The following TTC28 variants were observed in gnomAD, a reference collection of about 807,000 sequenced individuals.
The protein encoded by TTC28 is tetratricopeptide repeat protein 28.
Under a neutral mutation model 198.0 loss-of-function variants are expected in TTC28, and 61 were observed. The ratio of observed to expected loss-of-function variants is 0.31; its 90% CI spans 0.25 to 0.38. The LOEUF (loss-of-function observed/expected upper bound fraction) is 0.38. TTC28 is among the 10% of genes least tolerant of loss of function. The pLI is 1.00. For missense variants in TTC28, 2,678 were observed against 3,164.0 expected (o/e 0.85, Z 3.69); for synonymous variants, 1,171 against 1,297.8 (o/e 0.90, Z 2.10).
At chr22:28,607,584 AT>A (rs1476254180) in intron 2 of TTC28, among the ~76,000 whole-genome samples, 1 of 152,164 alleles carries the variant, frequency 6.6e-6, no homozygotes, top group Non-Finnish European at 1.5e-5. Context: ...CTCATAACTG[AT>A]TTTTTTAATG....
chr22:28,107,125 G>A lies in TTC28; in HGVS notation c.2720C>T (p.Ala907Val), dbSNP rs777828084. ...GTCTTGCATGCGATTCAGACTCTGC[G>A]CGACAGATAAATATTGTTCATAGTA... ...IKYYEQYLSV[A>V]QSLNRMQDQA... The change falls in exon 7 of 23, where the codon GCG (alanine) becomes GTG (valine). Residue 907 changes from alanine to valine, a missense_variant. Around this residue, in one of 8 missense-constraint regions of TTC28, gnomAD observed 775 missense variants for 845.9 expected, o/e 0.92. Transcript: ENST00000397906. The A allele has an allele frequency of 9.5e-5, 147 of 1,551,534 alleles. No homozygotes were observed. Among genetic ancestry groups the A allele is most frequent in the South Asian group, 8.3e-5 (7 of 84,054 alleles).
intron 14 of TTC28, chr22:28,007,096 G>A (rs1312684851): frequency 6.6e-6 from 1 of 152,106 alleles, no homozygotes; most frequent in Non-Finnish European, 1.5e-5. Context: ...GGGATGAAAT[G>A]GACTTTACTG....
chr22:28,675,226 C>T (rs552763180), intron 1 of TTC28, among the ~76,000 whole-genome samples: 35 of 151,838 alleles, frequency 2.3e-4, no homozygotes, highest in African/African-American at 8.2e-4. Context: ...CCACACACAC[C>T]TCACACCACA....
rs986451357 is a variant in TTC28, at chr22:28,032,254, T to C, written c.3933-1888A>G. Among the ~76,000 whole-genome samples the C allele has an allele frequency of 3.0e-5, 3 of 100,876 alleles. 1 individual carries two copies. Among genetic ancestry groups the C allele is most frequent in the African/African-American group, 1.4e-4 (3 of 22,164 alleles). 66.2% of individuals were successfully genotyped at this position (100,876 alleles called of 152,430 possible). A position where few individuals can be genotyped will look rare whatever the true frequency, so the allele number is the denominator to read the frequency against. ...ATATAAAATATATATATATAAAATA[T>C]ATATATATATATAGTGTGTGTGTGT... On this transcript the variant is annotated intron_variant, in intron 12 of 22. Transcript: ENST00000397906.
intron 2 of TTC28, among the ~76,000 whole-genome samples, chr22:28,365,446 G>A (rs2046231830): frequency 6.6e-6 from 1 of 152,092 alleles, no homozygotes; most frequent in Non-Finnish European, 1.5e-5. Context: ...CAGGAAAAAA[G>A]CACATAAACC....
intron 2 of TTC28, among the ~76,000 whole-genome samples, chr22:28,464,799 G>T (rs1276607997): frequency 6.6e-6 from 1 of 152,030 alleles, no homozygotes; most frequent in Non-Finnish European, 1.5e-5. Context: ...CACTGTTAAT[G>T]CTCCCAGAAT....
intron 2 of TTC28, among the ~76,000 whole-genome samples, chr22:28,594,845 C>T (rs1569047727): frequency 6.6e-6 from 1 of 152,186 alleles, no homozygotes; most frequent in Non-Finnish European, 1.5e-5. Context: ...GTTAAATTGC[C>T]ACTAATCACT....
intron 1 of TTC28, among the ~76,000 whole-genome samples, chr22:28,631,599 C>T (rs2146210019): frequency 6.6e-6 from 1 of 152,190 alleles, no homozygotes; most frequent in Non-Finnish European, 1.5e-5. Context: ...TCAGAGCTCA[C>T]TGCAGCCTCA....
At chr22:28,146,014 C>T (rs1035329462) in intron 6 of TTC28, among the ~76,000 whole-genome samples, 1 of 152,106 alleles carries the variant, frequency 6.6e-6, no homozygotes, top group Non-Finnish European at 1.5e-5. Context: ...GATCTAAAGC[C>T]AGGCCATCTG....
At chr22:28,426,319 T>A (rs1213009508) in intron 2 of TTC28, among the ~76,000 whole-genome samples, 2 of 152,098 alleles carry the variant, frequency 1.3e-5, no homozygotes, top group Non-Finnish European at 2.9e-5. Context: ...CAACAAAACC[T>A]TCCTTTGGTT....
In TTC28 at chr22:28,663,191, T is replaced by A. The variant is rs570525525; in HGVS notation, c.102+16431A>T. 2.7e-5 allele frequency among the ~76,000 whole-genome samples: 4 copies of A among 146,478 alleles called. No individual in the cohort carries two copies. The South Asian group carries it at 8.6e-4, about 31-fold the overall frequency. On this transcript the variant is annotated intron_variant, in intron 1 of 22. Transcript: ENST00000397906. ...TGAACCCAGGAGGCAGAGATTGCAG[T>A]GAGCCGAGATAGTGCCGCTGCACTC...
chr22:28,371,185 G>C (rs2046325598), intron 2 of TTC28, among the ~76,000 whole-genome samples: 1 of 151,850 alleles, frequency 6.6e-6, no homozygotes, highest in South Asian at 2.1e-4. Context: ...GTTAGTAATA[G>C]AACCATTTGT....
At chr22:28,091,616 A>C (rs565806482) in intron 12 of TTC28, among the ~76,000 whole-genome samples, 1 of 152,126 alleles carries the variant, frequency 6.6e-6, no homozygotes, top group Non-Finnish European at 1.5e-5. Context: ...GCTTAGGGAC[A>C]CAAAGTCCCA....
chr22:28,661,635 G>C (rs1418391763), intron 1 of TTC28, among the ~76,000 whole-genome samples: 1 of 151,774 alleles, frequency 6.6e-6, no homozygotes, highest in Middle Eastern at 3.4e-3. Context: ...TTGAGACAGA[G>C]TCTCACTCTG....
chr22:28,132,423 C>T (rs1394231660), intron 6 of TTC28, among the ~76,000 whole-genome samples: 1 of 152,182 alleles, frequency 6.6e-6, no homozygotes, highest in African/African-American at 2.4e-5. Flanking sequence ...TATACTAAGC[C>T]AGGAGAAATG....
chr22:28,426,271 T>C (rs1194494335), intron 2 of TTC28, among the ~76,000 whole-genome samples: 1 of 151,556 alleles, frequency 6.6e-6, no homozygotes, highest in Non-Finnish European at 1.5e-5. Flanking sequence ...TAAATATTTG[T>C]TCAATGAATG....
intron 2 of TTC28, among the ~76,000 whole-genome samples, chr22:28,537,246 T>C (rs942312695): frequency 1.4e-4 from 20 of 147,900 alleles, no homozygotes; most frequent in Non-Finnish European, 2.7e-4. Flanking sequence ...TGAGTCGAGA[T>C]TGCGCCACTG....
intron 2 of TTC28, among the ~76,000 whole-genome samples, chr22:28,590,679 T>C (rs2050411490): frequency 6.6e-6 from 1 of 152,052 alleles, no homozygotes; most frequent in South Asian, 2.1e-4. Flanking sequence ...TGATCCAAGA[T>C]ATTCACTTAT....
Position 27,993,396 on chromosome 22 carries a change from G to A in TTC28, c.5367C>T (p.Gly1789=). 6.4e-7 allele frequency: 1 copy of A among 1,551,336 alleles called. No individual in the cohort carries two copies. Among genetic ancestry groups the A allele is most frequent in the Non-Finnish European group, 8.7e-7 (1 of 1,146,994 alleles). ...CACTGGTTGGGGGGTCCAGCCGGAA[G>A]CCCACAGCGGTGAGGAGGGCCTGCC... ...PGWQALLTAV[G]FRLDPPTSGL... The change falls in exon 18 of 23, where the codon GGC becomes GGT. Residue 1789 remains glycine, a synonymous_variant. Coordinates refer to ENST00000397906, the MANE Select transcript of TTC28 (RefSeq NM_001145418.2).
Sources: allele counts gnomAD v4.1 joint callset (sites outside exome capture counted in the v4.1 genomes callset), GRCh38; gene constraint gnomAD v4.1.1; regional missense constraint gnomAD v4.1.1; transcripts MANE v1.5; gene names NCBI Gene and HGNC (gene_info 2026-07-23, HGNC 2026-07-21).